VSTM2L: variants seen among roughly 807,000 people sequenced by gnomAD.
VSTM2L encodes the protein V-set and transmembrane domain-containing protein 2-like protein.
In VSTM2L, 9 loss-of-function variants were observed where a neutral mutation model predicts 19.9. The observed-to-expected ratio is 0.45, with a 90% CI of 0.27 to 0.79. The LOEUF (loss-of-function observed/expected upper bound fraction) is 0.79. Ranked by LOEUF, VSTM2L falls within the 30% of genes least tolerant of loss-of-function variation. The probability of loss-of-function intolerance (pLI) is 0.15; values close to 1 mark genes in which losing one functional copy is unlikely to be tolerated. For synonymous variants in VSTM2L, 127 were observed against 133.8 expected (o/e 0.95, Z 0.35); for missense variants, 286 against 295.5 (o/e 0.97, Z 0.24).
At chr20:37,933,997 G>A (rs574757040) in intron 3 of VSTM2L, among the ~76,000 whole-genome samples, 1 of 152,366 alleles carries the variant, frequency 6.6e-6, no homozygotes, top group East Asian at 1.9e-4. Flanking sequence ...ACGGGGTGGG[G>A]GCACCCTAGC....
chr20:37,923,570 CCTT>C (rs2072863950), intron 1 of VSTM2L, among the ~76,000 whole-genome samples: 1 of 152,208 alleles, frequency 6.6e-6, no homozygotes, highest in Admixed American at 6.5e-5. Flanking sequence ...ACAATTGCAT[CCTT>C]CTCAAAAATC....
At chr20:37,935,619 C>A (rs1488358680) in intron 3 of VSTM2L, among the ~76,000 whole-genome samples, 1 of 152,190 alleles carries the variant, frequency 6.6e-6, no homozygotes, top group Non-Finnish European at 1.5e-5. Flanking sequence ...GTCCCTTGAA[C>A]TTGTGACCCA....
chr20:37,938,704 C>G (rs879593038), intron 3 of VSTM2L, among the ~76,000 whole-genome samples: 2 of 152,212 alleles, frequency 1.3e-5, no homozygotes, highest in South Asian at 2.1e-4. Context: ...TAAGGCCTGT[C>G]GATGCCTGTG....
chr20:37,923,199 C>T (rs2072861879), intron 1 of VSTM2L, among the ~76,000 whole-genome samples: 1 of 152,116 alleles, frequency 6.6e-6, no homozygotes, highest in African/African-American at 2.4e-5. Context: ...GAGTTTGAAC[C>T]CAGGCCTGAA....
intron 1 of VSTM2L, among the ~76,000 whole-genome samples, chr20:37,929,839 G>A (rs535383291): frequency 1.3e-5 from 2 of 152,062 alleles, no homozygotes; most frequent in South Asian, 2.1e-4. Context: ...TAGTTTCTGG[G>A]TTGATCCCCT....
At chr20:37,914,999 T>C (rs1453691010) in intron 1 of VSTM2L, among the ~76,000 whole-genome samples, 1 of 152,210 alleles carries the variant, frequency 6.6e-6, no homozygotes, top group Non-Finnish European at 1.5e-5. Flanking sequence ...ATTTCCGGCG[T>C]TGAAGGCGGC....
At chr20:37,935,525 A>C (rs993571272) in intron 3 of VSTM2L, among the ~76,000 whole-genome samples, 5 of 147,246 alleles carry the variant, frequency 3.4e-5, no homozygotes, top group South Asian at 2.2e-4. Context: ...ATTCCTTCCC[A>C]CCTCCAGGCC....
Position 37,903,986 on chromosome 20 carries a change from T to C in VSTM2L, c.121+515T>C, listed in dbSNP as rs531004092. 5.2e-3 allele frequency among the ~76,000 whole-genome samples: 787 copies of C among 152,052 alleles called. 9 individuals are homozygous for C. The highest frequency in any genetic ancestry group is 0.018 in the African/African-American group (737 of 41,504). On this transcript the variant is annotated intron_variant, in intron 1 of 3. Transcript: ENST00000373461. ...ACACAGGCACACACATACACACACA[T>C]GAACACAATTTGCTCACCCACTCCT... is the stretch of plus-strand genomic sequence containing the variant.
chr20:37,940,357 G>A (rs1568844063), intron 3 of VSTM2L, among the ~76,000 whole-genome samples: 1 of 152,138 alleles, frequency 6.6e-6, no homozygotes, highest in African/African-American at 2.4e-5. Flanking sequence ...CCATGGGGAA[G>A]TCCTGCCTGG....
intron 1 of VSTM2L, among the ~76,000 whole-genome samples, chr20:37,911,264 GGAT>G (rs946804126): frequency 6.7e-6 from 1 of 148,312 alleles, no homozygotes; most frequent in Non-Finnish European, 1.5e-5. Context: ...AAAAAAGCTG[GGAT>G]GATATTAAAC....
chr20:37,934,773 G>T lies in VSTM2L; in HGVS notation c.342+1184G>T, dbSNP rs183282941. Among the ~76,000 whole-genome samples the T allele has an allele frequency of 6.8e-4, 103 of 152,274 alleles. 1 individual carries two copies. Among genetic ancestry groups the T allele is most frequent in the Non-Finnish European group, 1.3e-3 (88 of 68,028 alleles). Reference sequence around the variant, plus strand: ...AGAGGTGGCATCATGGAGGCAGAGAGGCCAGGGAGGAGGCTTCTGCAGCCC... The same window carrying T: ...AGAGGTGGCATCATGGAGGCAGAGATGCCAGGGAGGAGGCTTCTGCAGCCC... On this transcript the variant is annotated intron_variant, in intron 3 of 3. Transcript: ENST00000373461.
chr20:37,924,568 AAAC>A lies in VSTM2L; in HGVS notation c.122-7064_122-7062del, dbSNP rs1429211083. On this transcript the variant is annotated intron_variant, in intron 1 of 3. Coordinates refer to ENST00000373461, the MANE Select transcript of VSTM2L (RefSeq NM_080607.3). ...AGACTCTGTCTCAAAAAAAAAAAAA[AAAC>A]AAAACAAAATAATAAATAAATAAAC... Among the ~76,000 whole-genome samples the A allele has an allele frequency of 2.5e-3, 375 of 151,798 alleles. 5 individuals carry two copies. Among genetic ancestry groups the A allele is most frequent in the African/African-American group, 8.7e-3 (358 of 41,286 alleles).
intron 3 of VSTM2L, among the ~76,000 whole-genome samples, chr20:37,935,671 T>C (rs1371441928): frequency 6.6e-6 from 1 of 152,134 alleles, no homozygotes; most frequent in African/African-American, 2.4e-5. Context: ...TATTTCTGGT[T>C]GTCGTTATCC....
intron 1 of VSTM2L, among the ~76,000 whole-genome samples, chr20:37,929,809 G>A (rs1156470047): frequency 6.6e-6 from 1 of 152,070 alleles, no homozygotes; most frequent in Non-Finnish European, 1.5e-5. Flanking sequence ...GGAGAGTGGA[G>A]GGAGGGAGCC....
In VSTM2L at chr20:37,903,409, A is replaced by G; in HGVS notation, c.59A>G (p.Gln20Arg). The G allele has an allele frequency of 6.7e-7, 1 of 1,490,524 alleles. No homozygotes were observed. The highest frequency in any genetic ancestry group is 8.9e-7 in the Non-Finnish European group (1 of 1,126,536). 92.3% of individuals were successfully genotyped at this position (1,490,524 alleles called of 1,614,324 possible). ...GALHYLALFL[Q>R]LGGATRPAGH... The stretch of plus-strand genomic sequence containing the variant: ...CTCCACTACCTGGCACTTTTCCTGC[A>G]ACTCGGCGGCGCCACGCGGCCCGCC... Residue 20 changes from glutamine to arginine, a missense_variant, in exon 1 of 4, where the codon CAA (glutamine) becomes CGA (arginine). Coordinates refer to ENST00000373461, the MANE Select transcript of VSTM2L (RefSeq NM_080607.3).
intron 1 of VSTM2L, among the ~76,000 whole-genome samples, chr20:37,913,357 C>CT (rs2072791784): frequency 6.6e-6 from 1 of 152,198 alleles, no homozygotes; most frequent in Admixed American, 6.5e-5. Flanking sequence ...GGTGAGGAAA[C>CT]TGAGGCCCAG....
At chr20:37,937,939 A>C (rs1381047749) in intron 3 of VSTM2L, among the ~76,000 whole-genome samples, 1 of 152,120 alleles carries the variant, frequency 6.6e-6, no homozygotes, top group African/African-American at 2.4e-5. Context: ...GCACTGGAGG[A>C]ATTGCTAGTG....
intron 1 of VSTM2L, among the ~76,000 whole-genome samples, chr20:37,909,389 C>G (rs559941668): frequency 6.6e-6 from 1 of 152,004 alleles, no homozygotes; most frequent in African/African-American, 2.4e-5. Context: ...GTTTGGGGCC[C>G]GCTGGGCACA....
chr20:37,906,964 C>G (rs1163042322), intron 1 of VSTM2L, among the ~76,000 whole-genome samples: 2 of 151,868 alleles, frequency 1.3e-5, no homozygotes, highest in Admixed American at 1.3e-4. Context: ...CTCTGTAGAC[C>G]CCTACAGCTT....
Sources: gnomAD v4.1 joint callset for allele counts (sites outside exome capture counted in the v4.1 genomes callset) on GRCh38, gnomAD v4.1.1 for gene constraint, MANE v1.5 for transcripts, NCBI Gene and HGNC (gene_info 2026-07-23, HGNC 2026-07-21) for gene names.